The following TMTC1 variants were observed in gnomAD, a reference collection of about 807,000 sequenced individuals.
TMTC1 encodes transmembrane O-mannosyltransferase targeting cadherins 1, also known as protein O-mannosyl-transferase TMTC1.
In TMTC1, 73 loss-of-function variants were observed where a neutral mutation model predicts 104.8. That is an observed-to-expected ratio of 0.70 (90% CI 0.58 to 0.85). The LOEUF (loss-of-function observed/expected upper bound fraction) is 0.85, where lower values mean the gene tolerates loss of function less well. Among genes scored for constraint, TMTC1 ranks in the 40% least tolerant of loss-of-function variants. TMTC1 has a pLI of 0.00. For synonymous variants in TMTC1, 434 were observed against 428.7 expected, an observed-to-expected ratio of 1.01 and a Z score of -0.15; for missense variants, 1,035 against 1,096.1, an observed-to-expected ratio of 0.94 and a Z score of 0.79.
At chr12:29,710,370 C>T (rs1941867683) in intron 5 of TMTC1, among the ~76,000 whole-genome samples, 2 of 151,976 alleles carry the variant, frequency 1.3e-5, no homozygotes, top group African/African-American at 4.8e-5. Context: ...CCATTGGAAC[C>T]ACACTCCTAT....
At chr12:29,582,703 A>T (rs11834291) in intron 8 of TMTC1, among the ~76,000 whole-genome samples, 27,912 of 152,130 alleles carry the variant, frequency 0.18, 3,877 homozygotes, top group African/African-American at 0.39. Flanking sequence ...CCAAAGAATA[A>T]GTGTTGGGTA....
In TMTC1 at chr12:29,783,752, C is replaced by T; in HGVS notation, c.-1G>A. 8.6e-7 allele frequency: 1 copy of T among 1,163,460 alleles called. No individual in the cohort carries two copies. Among genetic ancestry groups the T allele is most frequent in the Non-Finnish European group, 1.1e-6 (1 of 947,030 alleles). The allele number at this position is 1,163,460 out of a possible 1,614,324, so 72.1% of individuals were successfully genotyped here. A position where few individuals can be genotyped will look rare whatever the true frequency, so the allele number is the denominator to read the frequency against. Reference sequence around the variant, plus strand: ...CTCGGGCAGAGGTGGTCACCACCATCGCGCCGCCGCCGCCGCTGCTGCCCT... The same window carrying T: ...CTCGGGCAGAGGTGGTCACCACCATTGCGCCGCCGCCGCCGCTGCTGCCCT... On this transcript the variant is annotated 5_prime_UTR_variant, in exon 1 of 18. Coordinates refer to ENST00000539277, the MANE Select transcript of TMTC1 (RefSeq NM_001193451.2). The surrounding 1 kb of genome is among the most constrained non-coding windows in gnomAD (Gnocchi z 4.7).
At chr12:29,577,631 G>A (rs1383743659) in intron 8 of TMTC1, among the ~76,000 whole-genome samples, 1 of 152,106 alleles carries the variant, frequency 6.6e-6, no homozygotes, top group Non-Finnish European at 1.5e-5. Context: ...GCCTTAGAGA[G>A]GATCAGTGGT....
At chr12:29,679,784 G>C (rs1362925851) in intron 5 of TMTC1, among the ~76,000 whole-genome samples, 1 of 151,896 alleles carries the variant, frequency 6.6e-6, no homozygotes, top group Admixed American at 6.6e-5. Flanking sequence ...GGATAGAGAG[G>C]ACTAGAGAGA....
At chr12:29,643,428 G>A (rs550838829) in intron 5 of TMTC1, among the ~76,000 whole-genome samples, 1 of 55,894 alleles carries the variant, frequency 1.8e-5, no homozygotes, top group African/African-American at 8.6e-5. Context: ...TGGATAAACT[G>A]TGATATATAT....
chr12:29,510,182 G>A (rs558694161), intron 17 of TMTC1, among the ~76,000 whole-genome samples: 1 of 152,294 alleles, frequency 6.6e-6, no homozygotes, highest in African/African-American at 2.4e-5. Context: ...TATAGCCTAT[G>A]GATTCGAGAC....
intron 6 of TMTC1, among the ~76,000 whole-genome samples, chr12:29,628,125 T>C (rs1938098741): frequency 6.6e-6 from 1 of 152,220 alleles, no homozygotes; most frequent in African/African-American, 2.4e-5. Flanking sequence ...CTTTAATTCT[T>C]TATGAGGGCA....
intron 9 of TMTC1, among the ~76,000 whole-genome samples, chr12:29,563,803 A>G (rs1411351347): frequency 6.6e-6 from 1 of 152,174 alleles, no homozygotes; most frequent in Non-Finnish European, 1.5e-5. Flanking sequence ...ATTAAAGAGA[A>G]AGCTGTCCTT....
At chr12:29,734,138 C>A (rs1175196222) in intron 5 of TMTC1, among the ~76,000 whole-genome samples, 1 of 152,174 alleles carries the variant, frequency 6.6e-6, no homozygotes, top group Non-Finnish European at 1.5e-5. Context: ...TCCCACTGAG[C>A]AGACAAAAGG....
intron 12 of TMTC1, among the ~76,000 whole-genome samples, chr12:29,518,937 T>C (rs1944069942): frequency 6.6e-6 from 1 of 152,234 alleles, no homozygotes; most frequent in African/African-American, 2.4e-5. Context: ...TTAGTGATTG[T>C]TATTTATCCA....
chr12:29,630,662 C>T (rs1285274930), intron 6 of TMTC1, among the ~76,000 whole-genome samples: 3 of 152,168 alleles, frequency 2.0e-5, no homozygotes, highest in African/African-American at 7.2e-5. Flanking sequence ...ACACTGAGTT[C>T]GTCCATTTGC....
intron 6 of TMTC1, chr12:29,613,903 C>T (rs983351552): frequency 6.2e-6 from 6 of 969,760 alleles, no homozygotes; most frequent in East Asian, 1.1e-4. Flanking sequence ...AAGCAAGTCA[C>T]ACTCACCAAA....
intron 5 of TMTC1, among the ~76,000 whole-genome samples, chr12:29,726,491 C>T (rs1800378587): frequency 6.6e-6 from 1 of 152,084 alleles, no homozygotes. Flanking sequence ...ACGTCTGATT[C>T]TGTGAGCTCA....
chr12:29,701,784 G>C (rs1265668213), intron 5 of TMTC1, among the ~76,000 whole-genome samples: 1 of 152,194 alleles, frequency 6.6e-6, no homozygotes, highest in East Asian at 1.9e-4. Context: ...GTATGAGGTA[G>C]TAGCCTATAA....
intron 5 of TMTC1, among the ~76,000 whole-genome samples, chr12:29,702,485 G>A (rs1941623109): frequency 6.6e-6 from 1 of 152,162 alleles, no homozygotes; most frequent in South Asian, 2.1e-4. Flanking sequence ...CCTGGCACAT[G>A]GCCCTCTCTG....
intron 6 of TMTC1, among the ~76,000 whole-genome samples, chr12:29,613,107 G>A (rs1357760235): frequency 6.6e-6 from 1 of 152,212 alleles, no homozygotes; most frequent in African/African-American, 2.4e-5. Context: ...GTAACACTGT[G>A]ATCATCACTG....
At chr12:29,660,897 A>T in intron 5 of TMTC1, 2 of 1,476,040 alleles carry the variant, frequency 1.4e-6, no homozygotes, top group Non-Finnish European at 1.8e-6. Flanking sequence ...TAAAACGGGA[A>T]AGAAAAAAAA....
chr12:29,621,098 T>A (rs773101831), intron 6 of TMTC1, among the ~76,000 whole-genome samples: 2 of 152,204 alleles, frequency 1.3e-5, no homozygotes, highest in Non-Finnish European at 2.9e-5. Context: ...GAGAATGTGC[T>A]GTTTGCAAAG....
intron 2 of TMTC1, 38 bp downstream of exon 2, chr12:29,767,858 ATT>A (rs763264550): frequency 2.6e-5 from 39 of 1,502,466 alleles, no homozygotes; most frequent in Non-Finnish European, 2.8e-5. Context: ...ACATACACAC[ATT>A]CATATTCGTT....
Sources: gnomAD v4.1 joint callset for allele counts (sites outside exome capture counted in the v4.1 genomes callset) on GRCh38, gnomAD v4.1.1 for gene constraint, Gnocchi (gnomAD v3.1) non-coding constraint, MANE v1.5 for transcripts, NCBI Gene and HGNC (gene_info 2026-07-23, HGNC 2026-07-21) for gene names.